RAB2A: variants seen among roughly 807,000 people sequenced by gnomAD.
RAB2A encodes RAB2A, member RAS oncogene family, also known as ras-related protein Rab-2A.
A neutral mutation model predicts 32.5 loss-of-function variants in RAB2A; 7 were observed. The ratio of observed to expected loss-of-function variants is 0.22; its 90% CI spans 0.12 to 0.40. The LOEUF (loss-of-function observed/expected upper bound fraction) is 0.40. Ranked by LOEUF, RAB2A falls within the 10% of genes least tolerant of loss-of-function variation. The pLI is 1.00. For synonymous variants in RAB2A, 79 were observed against 85.2 expected (o/e 0.93, Z 0.40); for missense variants, 108 against 260.7 (o/e 0.41, Z 4.03).
At chr8:60,578,593 G>T (rs190242456) in intron 3 of RAB2A, among the ~76,000 whole-genome samples, 3 of 152,196 alleles carry the variant, frequency 2.0e-5, no homozygotes, top group African/African-American at 7.2e-5. Context: ...AAAAATTCTT[G>T]TGAGACAAGT....
chr8:60,526,020 C>CACATATAT (rs1807377335), intron 1 of RAB2A, among the ~76,000 whole-genome samples: 1 of 92,356 alleles, frequency 1.1e-5, no homozygotes, highest in Non-Finnish European at 2.2e-5. Flanking sequence ...TGTGTGTGTA[C>CACATATAT]ATATATATAT....
chr8:60,579,162 C>T (rs1803691875), intron 3 of RAB2A, among the ~76,000 whole-genome samples: 1 of 152,184 alleles, frequency 6.6e-6, no homozygotes, highest in Non-Finnish European at 1.5e-5. Flanking sequence ...CCTGCCTCAG[C>T]CTCCAGAATA....
intron 6 of RAB2A, among the ~76,000 whole-genome samples, chr8:60,610,369 C>G (rs1804322472): frequency 6.6e-6 from 1 of 152,164 alleles, no homozygotes; most frequent in East Asian, 1.9e-4. Context: ...TGTCTCAGTA[C>G]TTGAAAGTCT....
At chr8:60,607,149 G>C (rs62512703) in intron 6 of RAB2A, among the ~76,000 whole-genome samples, 2 of 146,566 alleles carry the variant, frequency 1.4e-5, no homozygotes, top group Admixed American at 6.8e-5. Context: ...ATTTTTTTGG[G>C]CCGGGCACAG....
At chr8:60,593,214 T>G (rs1186375347) in intron 6 of RAB2A, among the ~76,000 whole-genome samples, 1 of 152,238 alleles carries the variant, frequency 6.6e-6, no homozygotes, top group Non-Finnish European at 1.5e-5. Flanking sequence ...GATTTCATCG[T>G]CACGTGACCA....
At chr8:60,537,102 T>C (rs1432302191) in intron 1 of RAB2A, among the ~76,000 whole-genome samples, 1 of 152,248 alleles carries the variant, frequency 6.6e-6, no homozygotes, top group East Asian at 1.9e-4. Flanking sequence ...CTAGGTTTTT[T>C]ATAAGCCACA....
At chr8:60,595,212 C>A (rs1804003633) in intron 6 of RAB2A, among the ~76,000 whole-genome samples, 1 of 152,128 alleles carries the variant, frequency 6.6e-6, no homozygotes, top group Non-Finnish European at 1.5e-5. Context: ...ATATGATAGA[C>A]TTTTTTCTTC....
intron 1 of RAB2A, among the ~76,000 whole-genome samples, chr8:60,521,763 G>A (rs1157562999): frequency 6.6e-6 from 1 of 152,134 alleles, no homozygotes; most frequent in Non-Finnish European, 1.5e-5. Flanking sequence ...TGGGATTACA[G>A]GCGTCTGCCC....
At chr8:60,547,657 A>AC (rs1211476483) in intron 1 of RAB2A, among the ~76,000 whole-genome samples, 26 of 96,970 alleles carry the variant, frequency 2.7e-4, no homozygotes, top group African/African-American at 5.5e-4. Context: ...CGGGGGGCTG[A>AC]CCCCCCCACC....
intron 6 of RAB2A, among the ~76,000 whole-genome samples, chr8:60,597,509 G>C (rs1035771958): frequency 6.6e-6 from 1 of 152,038 alleles, no homozygotes. Context: ...GGATTGATGG[G>C]TGCAGCAAAC....
At chr8:60,542,627 G>T (rs1807664476) in intron 1 of RAB2A, among the ~76,000 whole-genome samples, 2 of 152,278 alleles carry the variant, frequency 1.3e-5, no homozygotes, top group South Asian at 4.1e-4. Flanking sequence ...ACTCATTTTT[G>T]TGATTTTGGT....
chr8:60,580,000 C>CTTT (rs10714421), intron 3 of RAB2A, among the ~76,000 whole-genome samples: 40 of 133,682 alleles, frequency 3.0e-4, no homozygotes, highest in African/African-American at 9.8e-4. Context: ...ATTAAAGCAC[C>CTTT]TTTTTTTTTT....
At chr8:60,548,199 T>C (rs1307697036) in intron 1 of RAB2A, among the ~76,000 whole-genome samples, 3 of 9,076 alleles carry the variant, frequency 3.3e-4, no homozygotes, top group East Asian at 5.6e-3. Context: ...CACTTCCCAG[T>C]AGGGGCGGCC....
intron 2 of RAB2A, among the ~76,000 whole-genome samples, chr8:60,564,232 A>G (rs1391398326): frequency 6.6e-6 from 1 of 152,202 alleles, no homozygotes; most frequent in Non-Finnish European, 1.5e-5. Flanking sequence ...GAGGATTTTC[A>G]CAGGTTTCCA....
chr8:60,620,725 G>A lies in RAB2A; in HGVS notation c.595G>A (p.Ala199Thr). Residue 199 changes from alanine (A) to threonine (T), a missense_variant, in exon 8 of 8, where the codon GCA becomes ACA. By Grantham distance (58) the Ala-to-Thr change is moderately conservative. This residue lies in a region of RAB2A where 24 missense variants were observed against 23.2 expected (regional missense o/e 1.04). Transcript: ENST00000262646. Reference protein sequence around the residue: ...PQHAATNATHAGNQGGQQAGG... With the variant: ...PQHAATNATHTGNQGGQQAGG... ...GCATGCTGCTACCAATGCAACACAT[G>A]CAGGCAATCAGGGAGGACAGCAGGC... 4 of 1,613,866 alleles carry A rather than the reference G, an allele frequency of 2.5e-6. No homozygotes were observed. The highest frequency in any genetic ancestry group is 2.7e-5 in the African/African-American group (2 of 75,016).
chr8:60,522,774 G>C (rs141968237), intron 1 of RAB2A, among the ~76,000 whole-genome samples: 2 of 152,170 alleles, frequency 1.3e-5, no homozygotes, highest in Non-Finnish European at 2.9e-5. Flanking sequence ...AATAGCTCTA[G>C]AGAAAAACAG....
At chr8:60,598,937 C>CAAAAAAAAAAAAAAA (rs56406651) in intron 6 of RAB2A, among the ~76,000 whole-genome samples, 7 of 40,386 alleles carry the variant, frequency 1.7e-4, no homozygotes, top group Non-Finnish European at 2.5e-4. Context: ...TGCAGTAAAG[C>CAAAAAAAAAAAAAAA]AAAAAAAAAA....
intron 2 of RAB2A, among the ~76,000 whole-genome samples, chr8:60,562,846 T>C (rs1029795620): frequency 2.6e-5 from 4 of 152,156 alleles, no homozygotes; most frequent in African/African-American, 7.2e-5. Flanking sequence ...CTACCACTTA[T>C]GTAGAGTTGC....
chr8:60,530,940 C>G (rs1476997332), intron 1 of RAB2A, among the ~76,000 whole-genome samples: 4 of 152,220 alleles, frequency 2.6e-5, no homozygotes, highest in Non-Finnish European at 4.4e-5. Context: ...ATACCTGCCA[C>G]TAACTTACTA....
Sources: allele counts gnomAD v4.1 joint callset (sites outside exome capture counted in the v4.1 genomes callset), GRCh38; gene constraint gnomAD v4.1.1; regional missense constraint gnomAD v4.1.1; transcripts MANE v1.5; gene names NCBI Gene and HGNC (gene_info 2026-07-23, HGNC 2026-07-21).